The following RIMS2 variants were observed in gnomAD, a reference collection of about 807,000 sequenced individuals.
RIMS2 encodes the protein regulating synaptic membrane exocytosis protein 2.
RIMS2 carries 59 observed loss-of-function variants against 174.4 expected under a neutral mutation model. The ratio of observed to expected loss-of-function variants is 0.34; its 90% confidence interval spans 0.27 to 0.42. The LOEUF is 0.42. Ranked by LOEUF, RIMS2 falls within the 10% of genes least tolerant of loss-of-function variation. RIMS2 has a pLI of 1.00. For synonymous variants in RIMS2, 606 were observed against 572.5 expected, an observed-to-expected ratio of 1.06 and a Z score of -0.84; for missense variants, 1,620 against 1,666.3, an observed-to-expected ratio of 0.97 and a Z score of 0.48.
rs2097234524 is a variant in RIMS2, at chr8:104,073,606, G to C, written c.3334+58991G>C. Among the ~76,000 whole-genome samples, 3 of 152,104 alleles carry C rather than the reference G, an allele frequency of 2.0e-5. No homozygotes were observed. In the South Asian group the frequency reaches 6.2e-4, roughly 32 times the overall value. On this transcript the variant is annotated intron_variant, in intron 19 of 23. Coordinates refer to ENST00000504942, the Ensembl canonical transcript of RIMS2. Reference sequence around the variant, plus strand: ...TAAGAAGCAGTATAATCTATGAGTTGCCCAGATCTCTTCAAATGGAGGCCA... The same window carrying C: ...TAAGAAGCAGTATAATCTATGAGTTCCCCAGATCTCTTCAAATGGAGGCCA...
At chr8:103,789,561 C>T (rs1176573163) in intron 3 of RIMS2, among the ~76,000 whole-genome samples, 2 of 152,044 alleles carry the variant, frequency 1.3e-5, no homozygotes, top group African/African-American at 4.8e-5. Context: ...CAGATCCTGC[C>T]AACATTCAAG....
rs746906124 is a variant in RIMS2, at chr8:104,169,321, TATATATATATATATATATAA to T, written c.3335-75593_3335-75574del. Among the ~76,000 whole-genome samples, 147 of 59,718 alleles carry T rather than the reference TATATATATATATATATATAA, an allele frequency of 2.5e-3. 1 individual carries two copies. Among genetic ancestry groups the T allele is most frequent in the Middle Eastern group, 0.021 (3 of 146 alleles). The allele number at this position is 59,718 out of a possible 152,430, so 39.2% of individuals were successfully genotyped here. On this transcript the variant is annotated intron_variant, in intron 19 of 23. Transcript: ENST00000504942. ...GTTGTTGGCTATATATATATATATA[TATATATATATATATATATAA>T]AACAGATTCAATCTCATTACTTGTT...
chr8:104,020,951 T>C (rs913844564), intron 19 of RIMS2, among the ~76,000 whole-genome samples: 1 of 152,076 alleles, frequency 6.6e-6, no homozygotes, highest in Non-Finnish European at 1.5e-5. Flanking sequence ...GGTAGGACTG[T>C]GTATGTTTTG....
intron 19 of RIMS2, among the ~76,000 whole-genome samples, chr8:104,136,136 T>C (rs538596069): frequency 2.6e-4 from 39 of 152,318 alleles, no homozygotes; most frequent in African/African-American, 8.9e-4. Flanking sequence ...ATGTACTTTG[T>C]TCAACACTTT....
intron 19 of RIMS2, among the ~76,000 whole-genome samples, chr8:104,038,706 T>C (rs903904794): frequency 1.3e-5 from 2 of 151,878 alleles, no homozygotes; most frequent in Non-Finnish European, 3.0e-5. Context: ...CATGGCTGCT[T>C]ACGTAAGGGA....
At chr8:103,674,894 AT>A (rs2096788773) in intron 1 of RIMS2, among the ~76,000 whole-genome samples, 1 of 152,214 alleles carries the variant, frequency 6.6e-6, no homozygotes, top group South Asian at 2.1e-4. Flanking sequence ...ATAACCTTGA[AT>A]TTATATTTAA....
intron 3 of RIMS2, among the ~76,000 whole-genome samples, chr8:103,767,081 A>G (rs927550407): frequency 6.6e-6 from 1 of 152,136 alleles, no homozygotes; most frequent in Admixed American, 6.6e-5. Flanking sequence ...GCTCCGTACT[A>G]TGGGCTTCTT....
intron 19 of RIMS2, among the ~76,000 whole-genome samples, chr8:104,119,183 T>TAAA (rs770351018): frequency 1.5e-4 from 21 of 143,384 alleles, no homozygotes; most frequent in Middle Eastern, 3.5e-3. Flanking sequence ...CGTCTCTACT[T>TAAA]AAAAACAAAA....
intron 19 of RIMS2, among the ~76,000 whole-genome samples, chr8:104,047,284 T>G (rs189719623): frequency 6.0e-4 from 91 of 152,240 alleles, no homozygotes; most frequent in African/African-American, 2.1e-3. Flanking sequence ...ATATTACTCA[T>G]ACATTCTGAA....
At chr8:103,916,560 T>A (rs765461839) in intron 8 of RIMS2, 23 bp downstream of exon 11, 4 of 1,584,226 alleles carry the variant, frequency 2.5e-6, no homozygotes, top group Admixed American at 1.8e-5. Flanking sequence ...CAGTATTTTA[T>A]ATGTGTGTGA....
At chr8:103,673,195 C>T (rs1367467816) in intron 1 of RIMS2, among the ~76,000 whole-genome samples, 1 of 152,184 alleles carries the variant, frequency 6.6e-6, no homozygotes, top group Non-Finnish European at 1.5e-5. Context: ...TGTAGCTGCT[C>T]TCATAAGTTA....
intron 16 of RIMS2, among the ~76,000 whole-genome samples, chr8:103,981,594 A>G (rs533874273): frequency 6.6e-6 from 1 of 152,330 alleles, no homozygotes; most frequent in Non-Finnish European, 1.5e-5. Flanking sequence ...TTCAGATAGA[A>G]AATTCAAAAC....
chr8:103,798,143 C>T (rs1322335913), intron 3 of RIMS2, among the ~76,000 whole-genome samples: 2 of 151,938 alleles, frequency 1.3e-5, no homozygotes, highest in Non-Finnish European at 2.9e-5. Flanking sequence ...AATACAAAGA[C>T]AGTAGAAGAT....
At chr8:104,253,515 T>TC (rs2099363570), downstream of RIMS2, 1 of 152,182 alleles carries the variant, frequency 6.6e-6, no homozygotes, top group African/African-American at 2.4e-5. Flanking sequence ...CTATTAATAG[T>TC]TATTTGATGC....
intron 1 of RIMS2, among the ~76,000 whole-genome samples, chr8:103,572,435 C>T (rs1032802231): frequency 5.4e-5 from 8 of 147,224 alleles, no homozygotes; most frequent in African/African-American, 2.0e-4. Flanking sequence ...GCTGATTGGT[C>T]CATTTTTACA....
intron 1 of RIMS2, among the ~76,000 whole-genome samples, chr8:103,642,136 A>G (rs1180645510): frequency 6.6e-6 from 1 of 152,078 alleles, no homozygotes; most frequent in Non-Finnish European, 1.5e-5. Context: ...TTTATCTTCT[A>G]ATTTTTCTCT....
intron 1 of RIMS2, among the ~76,000 whole-genome samples, chr8:103,689,580 C>T (rs2096987195): frequency 1.3e-5 from 2 of 152,084 alleles, no homozygotes. Context: ...TATACTTTTG[C>T]TGAATTGATT....
chr8:103,867,999 T>C (rs2099091711), intron 3 of RIMS2, among the ~76,000 whole-genome samples: 1 of 152,082 alleles, frequency 6.6e-6, no homozygotes, highest in African/African-American at 2.4e-5. Context: ...TGTTTAATAA[T>C]GTTCTGTTAC....
chr8:103,617,868 G>C (rs1589132367), intron 1 of RIMS2, among the ~76,000 whole-genome samples: 1 of 152,104 alleles, frequency 6.6e-6, no homozygotes, highest in East Asian at 1.9e-4. Flanking sequence ...ATGCTGGCAG[G>C]GTTGCAGGGA....
Sources: gnomAD v4.1 joint callset for allele counts (sites outside exome capture counted in the v4.1 genomes callset) on GRCh38, gnomAD v4.1.1 for gene constraint, MANE v1.5 for transcripts, NCBI Gene and HGNC (gene_info 2026-07-23, HGNC 2026-07-21) for gene names.